The following RNF125 variants were observed in gnomAD, a reference collection of about 807,000 sequenced individuals.
RNF125 encodes ring finger protein 125.
Under a neutral mutation model 26.0 loss-of-function variants are expected in RNF125, and 21 were observed. That is an observed-to-expected ratio of 0.81 (90% confidence interval 0.57 to 1.16). RNF125 has a LOEUF of 1.16. Ranked by LOEUF, RNF125 falls within the 50% of genes most tolerant of loss-of-function variation. The probability of loss-of-function intolerance (pLI) is 0.00; values close to 1 mark genes in which losing one functional copy is unlikely to be tolerated. For synonymous variants in RNF125, 95 were observed against 109.2 expected (o/e 0.87, Z 0.81); for missense variants, 270 against 299.4 (o/e 0.90, Z 0.72).
At chr18:32,046,596 C>T (rs1461151991) in intron 4 of RNF125, among the ~76,000 whole-genome samples, 1 of 95,926 alleles carries the variant, frequency 1.0e-5, no homozygotes, top group East Asian at 3.4e-4. Context: ...GACTCTGTCT[C>T]AAAAAAAAAA....
chr18:32,020,381 C>CGT (rs778793682), intron 1 of RNF125, among the ~76,000 whole-genome samples: 5 of 148,586 alleles, frequency 3.4e-5, no homozygotes, highest in South Asian at 2.1e-4. Flanking sequence ...TTCGTGGATA[C>CGT]GTGTGTGTGT....
chr18:32,046,037 T>C (rs2039266948), intron 4 of RNF125, among the ~76,000 whole-genome samples: 1 of 151,700 alleles, frequency 6.6e-6, no homozygotes, highest in East Asian at 1.9e-4. Context: ...GCCAATATGG[T>C]GAAACCCCAT....
chr18:32,059,394 A>T (rs2039415204), intron 4 of RNF125, among the ~76,000 whole-genome samples: 1 of 152,166 alleles, frequency 6.6e-6, no homozygotes, highest in Admixed American at 6.5e-5. Flanking sequence ...ACTTTTTCAT[A>T]TGCCTATTTG....
chr18:32,020,153 G>T (rs1465376992), intron 1 of RNF125, among the ~76,000 whole-genome samples: 1 of 151,882 alleles, frequency 6.6e-6, no homozygotes, highest in Non-Finnish European at 1.5e-5. Flanking sequence ...GCTCAAGTGA[G>T]TCTCCTGCCT....
At chr18:32,082,214 C>G in the RNF125 span, among the ~76,000 whole-genome samples, 3 of 152,010 alleles carry the variant, frequency 2.0e-5, no homozygotes, top group Non-Finnish European at 4.4e-5. Context: ...TCCCTCCTGG[C>G]AAATCAAATA....
chr18:32,074,835 G>C (rs1311702305), downstream of RNF125, among the ~76,000 whole-genome samples: 1 of 152,170 alleles, frequency 6.6e-6, no homozygotes, highest in Non-Finnish European at 1.5e-5. Flanking sequence ...GAGCCACCAC[G>C]CCTGGCCCTG....
chr18:32,077,233 T>C (rs2039576124), downstream of RNF125, among the ~76,000 whole-genome samples: 1 of 152,040 alleles, frequency 6.6e-6, no homozygotes, highest in Non-Finnish European at 1.5e-5. Context: ...GAAGGATTGC[T>C]TGGCCCAGGA....
At chr18:32,055,217 T>C (rs1227334141) in intron 4 of RNF125, among the ~76,000 whole-genome samples, 1 of 151,008 alleles carries the variant, frequency 6.6e-6, no homozygotes, top group African/African-American at 2.4e-5. Context: ...GAGGATCCCT[T>C]AAGCCCAGGA....
At chr18:32,075,862 A>T, downstream of RNF125, 1 of 879,154 alleles carries the variant, frequency 1.1e-6, no homozygotes, top group Non-Finnish European at 1.9e-6. Context: ...GAGTCATTTT[A>T]TTTGTAAATA....
intron 2 of RNF125, among the ~76,000 whole-genome samples, chr18:32,038,043 ATT>A (rs35226765): frequency 0.017 from 1,719 of 103,252 alleles, 24 homozygotes; most frequent in African/African-American, 0.064. Context: ...GGTCCGTGCC[ATT>A]TTTTTTTTTT....
chr18:32,068,344 G>A lies in RNF125; in HGVS notation c.659G>A (p.Arg220Gln), dbSNP rs147556999. 310 of 1,599,538 alleles carry A rather than the reference G, an allele frequency of 1.9e-4. No homozygotes were observed. Among genetic ancestry groups the A allele is most frequent in the Non-Finnish European group, 2.4e-4 (285 of 1,167,264 alleles). The stretch of plus-strand genomic sequence containing the variant: ...GCTCTTATCCGAAGAGTCTTAGACC[G>A]GTCACTTCTTGAATATGTGAATCAC... ...EEALIRRVLDRSLLEYVNHSN... is the reference protein window; with the variant it reads ...EEALIRRVLDQSLLEYVNHSN... The change falls in exon 6 of 6, where the codon CGG (arginine) becomes CAG (glutamine). Residue 220 changes from arginine (R) to glutamine (Q), a missense_variant. Physicochemically the swap from Arg to Gln is conservative, Grantham distance 43. Coordinates refer to ENST00000217740, the MANE Select transcript of RNF125 (RefSeq NM_017831.4).
At chr18:32,048,020 C>T (rs886096324) in intron 4 of RNF125, among the ~76,000 whole-genome samples, 3 of 151,976 alleles carry the variant, frequency 2.0e-5, no homozygotes, top group African/African-American at 4.8e-5. Flanking sequence ...CCCAGCTACT[C>T]GGGAGGCTGA....
intron 1 of RNF125, among the ~76,000 whole-genome samples, chr18:32,027,227 C>CTT (rs770091087): frequency 7.6e-6 from 1 of 131,870 alleles, no homozygotes; most frequent in African/African-American, 2.7e-5. Flanking sequence ...AGGATGGAGT[C>CTT]TTTTTTTTTT....
intron 4 of RNF125, among the ~76,000 whole-genome samples, chr18:32,053,901 C>T (rs149352934): frequency 6.6e-6 from 1 of 151,842 alleles, no homozygotes; most frequent in East Asian, 1.9e-4. Context: ...TTCAGAAAGA[C>T]TAGGGGGGGA....
intron 4 of RNF125, among the ~76,000 whole-genome samples, chr18:32,047,280 C>T (rs1387709020): frequency 2.0e-5 from 3 of 152,100 alleles, no homozygotes; most frequent in Non-Finnish European, 4.4e-5. Flanking sequence ...CCTTGTGGTT[C>T]GCCCACGTCG....
downstream of RNF125, chr18:32,075,754 A>G (rs2039565990): frequency 1.9e-6 from 1 of 516,178 alleles, no homozygotes; most frequent in East Asian, 3.4e-5. Context: ...CTTTAAAAGC[A>G]TCAATCTGAT....
At chr18:32,025,425 A>G (rs2039023466) in intron 1 of RNF125, among the ~76,000 whole-genome samples, 1 of 151,084 alleles carries the variant, frequency 6.6e-6, no homozygotes, top group South Asian at 2.1e-4. Context: ...GCATTTTGGG[A>G]GGCTGAGGTG....
chr18:32,042,935 G>A (rs2039234949), intron 3 of RNF125, among the ~76,000 whole-genome samples: 1 of 151,678 alleles, frequency 6.6e-6, no homozygotes, highest in Non-Finnish European at 1.5e-5. Context: ...GATCACTTGA[G>A]GTCAGGAGTT....
chr18:32,067,977 G>A (rs912431519), intron 5 of RNF125, among the ~76,000 whole-genome samples: 2 of 152,150 alleles, frequency 1.3e-5, no homozygotes, highest in African/African-American at 2.4e-5. Flanking sequence ...CATTTTACAG[G>A]TTTATGTGGA....
Sources: allele counts gnomAD v4.1 joint callset (sites outside exome capture counted in the v4.1 genomes callset), GRCh38; gene constraint gnomAD v4.1.1; transcripts MANE v1.5; gene names NCBI Gene and HGNC (gene_info 2026-07-23, HGNC 2026-07-21).